HCN1: variants seen among roughly 807,000 people sequenced by gnomAD.
HCN1 encodes potassium/sodium hyperpolarization-activated cyclic nucleotide-gated channel 1.
A neutral mutation model predicts 78.9 loss-of-function variants in HCN1; 13 were observed. The observed-to-expected ratio is 0.16, with a 90% CI of 0.11 to 0.26. The LOEUF (loss-of-function observed/expected upper bound fraction) is 0.26, where lower values mean the gene tolerates loss of function less well. Ranked by LOEUF, HCN1 falls within the 10% of genes least tolerant of loss-of-function variation. HCN1 has a pLI of 1.00. For synonymous variants in HCN1, 552 were observed against 455.5 expected (o/e 1.21, Z -2.70); for missense variants, 810 against 1,154.3 (o/e 0.70, Z 4.32).
chr5:45,611,143 C>T (rs144730761), intron 2 of HCN1, among the ~76,000 whole-genome samples: 1,876 of 151,374 alleles, frequency 0.012, 19 homozygotes, highest in Middle Eastern at 0.065. Flanking sequence ...CTCAACCTCC[C>T]GGGTTCAAGA....
At chr5:45,295,543 T>G (rs1196443438) in intron 6 of HCN1, among the ~76,000 whole-genome samples, 3 of 152,008 alleles carry the variant, frequency 2.0e-5, no homozygotes, top group African/African-American at 7.2e-5. Flanking sequence ...TATCTGAAGT[T>G]AAAAAATTAT....
At chr5:45,387,911 A>C (rs900540283) in intron 4 of HCN1, among the ~76,000 whole-genome samples, 2 of 152,226 alleles carry the variant, frequency 1.3e-5, no homozygotes, top group African/African-American at 4.8e-5. Context: ...TAGAACAATT[A>C]TAACAATATA....
intron 2 of HCN1, among the ~76,000 whole-genome samples, chr5:45,483,128 G>A (rs938088810): frequency 2.0e-5 from 3 of 152,126 alleles, no homozygotes; most frequent in Admixed American, 1.3e-4. Flanking sequence ...TATACCCAGC[G>A]GTGGGATAGC....
intron 6 of HCN1, 150 bp downstream of exon 6, chr5:45,303,449 T>C (rs1745668272): frequency 1.5e-5 from 11 of 748,450 alleles, no homozygotes; most frequent in Admixed American, 9.1e-5. Context: ...CTCTGAAATA[T>C]GAAAACACTG....
chr5:45,593,450 T>C (rs1438675000), intron 2 of HCN1, among the ~76,000 whole-genome samples: 3 of 151,826 alleles, frequency 2.0e-5, no homozygotes, highest in Non-Finnish European at 2.9e-5. Context: ...TCCCTGATGG[T>C]AGGCCATATT....
chr5:45,671,435 G>A (rs774290758), intron 1 of HCN1, among the ~76,000 whole-genome samples: 5 of 150,786 alleles, frequency 3.3e-5, no homozygotes, highest in Admixed American at 1.3e-4. Flanking sequence ...ATAGATAATC[G>A]CTTCACCCCA....
intron 1 of HCN1, among the ~76,000 whole-genome samples, chr5:45,667,441 C>T (rs1034041703): frequency 9.9e-5 from 15 of 151,960 alleles, no homozygotes; most frequent in African/African-American, 3.4e-4. Flanking sequence ...TTAAGACTTA[C>T]AACCCCCATC....
At chr5:45,402,372 A>G (rs1257258133) in intron 3 of HCN1, among the ~76,000 whole-genome samples, 4 of 152,160 alleles carry the variant, frequency 2.6e-5, no homozygotes, top group Non-Finnish European at 5.9e-5. Flanking sequence ...ATACAACATC[A>G]GCAGACATTT....
chr5:45,312,678 C>CTT (rs1257809385), intron 5 of HCN1, among the ~76,000 whole-genome samples: 1 of 152,208 alleles, frequency 6.6e-6, no homozygotes, highest in Non-Finnish European at 1.5e-5. Context: ...TAATACTGCA[C>CTT]TTTTCCAATG....
In HCN1 at chr5:45,332,592, TC is replaced by T. The variant is rs372120691; in HGVS notation, c.1377+20507del. Among the ~76,000 whole-genome samples the T allele has an allele frequency of 5.5e-4, 84 of 151,572 alleles. No individual in the cohort carries two copies. In the South Asian group the frequency reaches 9.6e-3, roughly 17 times the overall value. ...AAGTGAAAACATTTTTTTCTAACTA[TC>T]ATTTTTGTACCCAGTAAGCATCCCC... On this transcript the variant is annotated intron_variant, in intron 5 of 7. Coordinates refer to ENST00000303230, the MANE Select transcript of HCN1 (RefSeq NM_021072.4).
At chr5:45,493,706 C>T (rs1197554429) in intron 2 of HCN1, among the ~76,000 whole-genome samples, 11 of 151,546 alleles carry the variant, frequency 7.3e-5, no homozygotes, top group African/African-American at 2.4e-4. Context: ...CCCACTAACT[C>T]GTCATCTAGC....
intron 2 of HCN1, among the ~76,000 whole-genome samples, chr5:45,495,835 A>C (rs888300837): frequency 2.0e-5 from 3 of 152,026 alleles, no homozygotes; most frequent in East Asian, 3.9e-4. Flanking sequence ...TGTCAAAGGC[A>C]TTTTCTGCAT....
At chr5:45,580,505 T>G (rs767142326) in intron 2 of HCN1, among the ~76,000 whole-genome samples, 44 of 152,036 alleles carry the variant, frequency 2.9e-4, no homozygotes, top group Non-Finnish European at 5.4e-4. Flanking sequence ...AGACTTCTGA[T>G]CTACAGAGCT....
Position 45,262,386 on chromosome 5 carries a change from C to T in HCN1, c.2208G>A (p.Gln736=). 3 of 1,611,478 alleles carry T rather than the reference C, an allele frequency of 1.9e-6. No individual in the cohort carries two copies. The highest frequency in any genetic ancestry group is 2.5e-6 in the Non-Finnish European group (3 of 1,179,568). The change falls in exon 8 of 8, where the codon CAG becomes CAA. Residue 736 remains glutamine (Q), a synonymous_variant. Coordinates refer to ENST00000303230, the MANE Select transcript of HCN1 (RefSeq NM_021072.4). The part of the protein sequence containing the change: ...QLSLMQQQPQ[Q]QVQQSQPPQT... ...GCGGCGGCTGGGACTGCTGTACCTG[C>T]TGCTGCGGCTGCTGTTGCATGAGTG...
chr5:45,429,718 G>C (rs1740424677), intron 3 of HCN1, among the ~76,000 whole-genome samples: 1 of 152,176 alleles, frequency 6.6e-6, no homozygotes, highest in South Asian at 2.1e-4. Flanking sequence ...TTAAGAGTGA[G>C]TGGCTGTGGT....
intron 5 of HCN1, among the ~76,000 whole-genome samples, chr5:45,308,380 T>C (rs1280343058): frequency 2.0e-5 from 3 of 152,158 alleles, no homozygotes; most frequent in Admixed American, 2.0e-4. Flanking sequence ...CTGAAAAAGC[T>C]TATTAAAGAT....
At chr5:45,497,126 G>A (rs1455424151) in intron 2 of HCN1, among the ~76,000 whole-genome samples, 1 of 152,116 alleles carries the variant, frequency 6.6e-6, no homozygotes, top group Non-Finnish European at 1.5e-5. Flanking sequence ...TTCCAAGTAT[G>A]TGGTCAATTT....
At chr5:45,320,439 C>A (rs1746101704) in intron 5 of HCN1, among the ~76,000 whole-genome samples, 1 of 151,762 alleles carries the variant, frequency 6.6e-6, no homozygotes. Flanking sequence ...CTATTGAGTT[C>A]TTGCTGGGTT....
intron 3 of HCN1, among the ~76,000 whole-genome samples, chr5:45,418,969 T>C (rs1740171772): frequency 6.6e-6 from 1 of 152,116 alleles, no homozygotes; most frequent in Non-Finnish European, 1.5e-5. Flanking sequence ...TGCTATGTGA[T>C]TTATAGTGAT....
Sources: gnomAD v4.1 joint callset for allele counts (sites outside exome capture counted in the v4.1 genomes callset) on GRCh38, gnomAD v4.1.1 for gene constraint, MANE v1.5 for transcripts, NCBI Gene and HGNC (gene_info 2026-07-23, HGNC 2026-07-21) for gene names.